The following EIF3M variants were observed in gnomAD, a reference collection of about 807,000 sequenced individuals.
EIF3M encodes the protein eukaryotic translation initiation factor 3 subunit M.
A neutral mutation model predicts 49.7 loss-of-function variants in EIF3M; 25 were observed. The ratio of observed to expected loss-of-function variants is 0.50; its 90% CI spans 0.37 to 0.70. The LOEUF is 0.70. Among genes scored for constraint, EIF3M ranks in the 30% least tolerant of loss-of-function variants. EIF3M has a pLI of 0.00. For synonymous variants in EIF3M, 156 were observed against 149.8 expected (o/e 1.04, Z -0.30); for missense variants, 350 against 440.0 (o/e 0.80, Z 1.83).
At chr11:32,586,913 A>C in intron 1 of EIF3M, 99 bp from the exon 2 acceptor site, 1 of 1,414,472 alleles carries the variant, frequency 7.1e-7, no homozygotes, top group Non-Finnish European at 9.4e-7. Context: ...ATAGTTGTTG[A>C]ATACAGTATT....
Position 32,603,047 on chromosome 11 carries a change from T to A in EIF3M, c.*648T>A, listed in dbSNP as rs776592578. ...TGGGAAAGATAAACTAATTTTACCT[T>A]CGAAATTATTATACAAAAGATTTTA... On this transcript the variant is annotated 3_prime_UTR_variant, in exon 11 of 11. Coordinates refer to ENST00000531120, the MANE Select transcript of EIF3M (RefSeq NM_006360.6). 1 of 1,529,336 alleles carries A rather than the reference T, an allele frequency of 6.5e-7. No homozygotes were observed. Among genetic ancestry groups the A allele is most frequent in the Non-Finnish European group, 8.9e-7 (1 of 1,123,888 alleles). The allele number at this position is 1,529,336 out of a possible 1,614,324, so 94.7% of individuals were successfully genotyped here. A position where few individuals can be genotyped will look rare whatever the true frequency, so the allele number is the denominator to read the frequency against.
chr11:32,584,382 C>T, intron 1 of EIF3M: 1 of 170,204 alleles, frequency 5.9e-6, no homozygotes, highest in East Asian at 1.8e-4. Flanking sequence ...CCGAGGCGGG[C>T]AGATCACGAG....
rs117913882 is a variant in EIF3M at position 32,588,905 on chromosome 11, T to G, written c.315-107T>G. On this transcript the variant is annotated intron_variant, in intron 3 of 10. Coordinates refer to ENST00000531120, the MANE Select transcript of EIF3M (RefSeq NM_006360.6). Reference sequence around the variant, plus strand: ...TGTGCCCTAGTTTCCTCCTTTGTAATATGAAGTTGTTAACGGTACCTGCCA... The same window carrying G: ...TGTGCCCTAGTTTCCTCCTTTGTAAGATGAAGTTGTTAACGGTACCTGCCA... 409 of 1,535,704 alleles carry G rather than the reference T, an allele frequency of 2.7e-4. 3 individuals are homozygous for G. The East Asian group carries it at 9.3e-3, about 35-fold the overall frequency.
intron 1 of EIF3M, 36 bp downstream of exon 1, chr11:32,583,965 T>C (rs1854948543): frequency 6.2e-7 from 1 of 1,611,190 alleles, no homozygotes; most frequent in African/African-American, 1.4e-5. Flanking sequence ...CACGGTGGGG[T>C]GGGGGATGTC....
rs780198742 is a variant in EIF3M at position 32,603,035 on chromosome 11, C to A, written c.*636C>A. 2.6e-6 allele frequency: 4 copies of A among 1,559,112 alleles called. No individual in the cohort carries two copies. Among genetic ancestry groups the A allele is most frequent in the South Asian group, 1.2e-5 (1 of 84,582 alleles). On this transcript the variant is annotated 3_prime_UTR_variant, in exon 11 of 11. Coordinates refer to ENST00000531120, the MANE Select transcript of EIF3M (RefSeq NM_006360.6). ...TTTGTTTTCACCTGGGAAAGATAAA[C>A]TAATTTTACCTTCGAAATTATTATA...
chr11:32,584,047 G>T, intron 1 of EIF3M, 118 bp downstream of exon 1: 1 of 1,356,014 alleles, frequency 7.4e-7, no homozygotes, highest in Non-Finnish European at 1.0e-6. Context: ...TGTTCTACAC[G>T]CGAGAATGGG....
chr11:32,584,831 G>C (rs1854969728), intron 1 of EIF3M, among the ~76,000 whole-genome samples: 1 of 152,050 alleles, frequency 6.6e-6, no homozygotes, highest in Non-Finnish European at 1.5e-5. Flanking sequence ...TTTGCTCTTT[G>C]GTATACAGGG....
chr11:32,602,467 A>G lies in EIF3M; in HGVS notation c.*68A>G, dbSNP rs1413220092. 1 of 1,542,350 alleles carries G rather than the reference A, an allele frequency of 6.5e-7. No homozygotes were observed. Among genetic ancestry groups the G allele is most frequent in the African/African-American group, 1.4e-5 (1 of 72,146 alleles). On this transcript the variant is annotated 3_prime_UTR_variant, in exon 11 of 11. Transcript: ENST00000531120. ...AAATCATAGTAAAACATTATAAACT[A>G]AAAAAATTTGCCTAGTCTGGACAGT...
At chr11:32,589,707 A>G in intron 5 of EIF3M, 66 bp downstream of exon 5, 1 of 1,438,524 alleles carries the variant, frequency 7.0e-7, no homozygotes, top group Middle Eastern at 2.3e-4. Flanking sequence ...GATGTTTTTT[A>G]AAGAGAAGTA....
rs1295445179 is a variant in EIF3M at position 32,593,900 on chromosome 11, G to A, written c.568G>A (p.Gly190Arg). 1.3e-5 allele frequency: 21 copies of A among 1,576,668 alleles called. No homozygotes were observed. Among genetic ancestry groups the A allele is most frequent in the Non-Finnish European group, 1.6e-5 (19 of 1,162,830 alleles). The stretch of plus-strand genomic sequence containing the variant: ...TTCAAAAGTCATGGTGGAATTGCTC[G>A]GAAGTTACACAGAGGACAATGCTTC... ...AASKVMVELL[G>R]SYTEDNASQA... The change falls in exon 6 of 11, where the codon GGA becomes AGA. Residue 190 changes from glycine (G) to arginine (R), a missense_variant. Transcript: ENST00000531120.
In EIF3M at chr11:32,606,173, A is replaced by G. The variant is rs1312892789; in HGVS notation, c.*3774A>G. Reference sequence around the variant, plus strand: ...CTTTGGACCCATAGAGAGAAAGTGGATTGGTACTTAATACCTTCCCTGAAT... The same window carrying G: ...CTTTGGACCCATAGAGAGAAAGTGGGTTGGTACTTAATACCTTCCCTGAAT... On this transcript the variant is annotated 3_prime_UTR_variant, in exon 11 of 11. Coordinates refer to ENST00000531120, the MANE Select transcript of EIF3M (RefSeq NM_006360.6). 6.6e-6 allele frequency: 1 copy of G among 152,238 alleles called. No individual in the cohort carries two copies. The highest frequency in any genetic ancestry group is 2.4e-5 in the African/African-American group (1 of 41,464). The allele number at this position is 152,238 out of a possible 1,614,324, so 9.4% of individuals were successfully genotyped here.
Position 32,595,010 on chromosome 11 carries a change from T to G in EIF3M, c.714T>G (p.His238Gln), listed in dbSNP as rs1590523094. The change falls in exon 7 of 11, where the codon CAT (histidine) becomes CAG (glutamine). Residue 238 changes from histidine to glutamine, a missense_variant. Transcript: ENST00000531120. ...PVKFLEGELI[H>Q]DLLTIFVSAK... ...AGTTTTTGGAAGGCGAGCTTATTCATGATGTAAGTAGTTTATCCTTTAATG... is the reference window on the plus strand; with the variant it reads ...AGTTTTTGGAAGGCGAGCTTATTCAGGATGTAAGTAGTTTATCCTTTAATG... 2 of 1,613,014 alleles carry G rather than the reference T, an allele frequency of 1.2e-6. No individual in the cohort carries two copies. The highest frequency in any genetic ancestry group is 4.5e-5 in the East Asian group (2 of 44,800).
intron 8 of EIF3M, among the ~76,000 whole-genome samples, chr11:32,599,729 C>G (rs1855232896): frequency 1.3e-5 from 2 of 151,860 alleles, no homozygotes; most frequent in South Asian, 4.2e-4. Flanking sequence ...GAATTCTGCT[C>G]CTACTTAGGA....
At chr11:32,595,888 TTTACAATATC>T in intron 7 of EIF3M, 68 bp from the exon 8 acceptor site, 1 of 1,079,828 alleles carries the variant, frequency 9.3e-7, no homozygotes, top group South Asian at 1.5e-5. Context: ...TAAAATAATA[TTTACAATATC>T]TTAGAATATC....
At chr11:32,599,951 A>G (rs968884134) in intron 8 of EIF3M, among the ~76,000 whole-genome samples, 1 of 151,936 alleles carries the variant, frequency 6.6e-6, no homozygotes, top group Non-Finnish European at 1.5e-5. Flanking sequence ...TATTTGAATA[A>G]TTACAACAGC....
chr11:32,591,328 A>G (rs549222237), intron 5 of EIF3M, among the ~76,000 whole-genome samples: 1 of 152,350 alleles, frequency 6.6e-6, no homozygotes, highest in African/African-American at 2.4e-5. Context: ...ATAACTAATG[A>G]GTAAGATGTG....
intron 1 of EIF3M, among the ~76,000 whole-genome samples, chr11:32,584,607 C>CAAAGAAAAAA (rs1854964171): frequency 3.2e-5 from 2 of 62,310 alleles, no homozygotes; most frequent in Non-Finnish European, 5.7e-5. Context: ...GAGTCCCTCT[C>CAAAGAAAAAA]AAAAAAAAAA....
chr11:32,598,448 A>G (rs1212248534), intron 8 of EIF3M, among the ~76,000 whole-genome samples: 1 of 152,170 alleles, frequency 6.6e-6, no homozygotes, highest in Admixed American at 6.5e-5. Flanking sequence ...CTTTGATGGT[A>G]GTATTTTAGT....
In EIF3M at chr11:32,604,045, C is replaced by A. The variant is rs1337579782; in HGVS notation, c.*1646C>A. On this transcript the variant is annotated 3_prime_UTR_variant, in exon 11 of 11. Transcript: ENST00000531120. ...TCATGCCATTGCACTCCAGCCTGGA[C>A]AACAGAGTGAGACCCTCTCTCAAAA... The A allele has an allele frequency of 1.3e-5, 2 of 152,122 alleles. No individual in the cohort carries two copies. Among genetic ancestry groups the A allele is most frequent in the Non-Finnish European group, 2.9e-5 (2 of 67,976 alleles). 9.4% of individuals were successfully genotyped at this position (152,122 alleles called of 1,614,324 possible). A position where few individuals can be genotyped will look rare whatever the true frequency, so the allele number is the denominator to read the frequency against.
Sources: allele counts gnomAD v4.1 joint callset (sites outside exome capture counted in the v4.1 genomes callset), GRCh38; gene constraint gnomAD v4.1.1; transcripts MANE v1.5; gene names NCBI Gene and HGNC (gene_info 2026-07-23, HGNC 2026-07-21).